The following CDKAL1 variants were observed in gnomAD, a reference collection of about 807,000 sequenced individuals.
The protein encoded by CDKAL1 is threonylcarbamoyladenosine tRNA methylthiotransferase.
In CDKAL1, 32 loss-of-function variants were observed where a neutral mutation model predicts 68.2. The observed-to-expected ratio is 0.47, with a 90% CI of 0.35 to 0.63. The LOEUF (loss-of-function observed/expected upper bound fraction) is 0.63, where lower values mean the gene tolerates loss of function less well. Among genes scored for constraint, CDKAL1 ranks in the 30% least tolerant of loss-of-function variants. The pLI is 0.00. For missense variants in CDKAL1, 606 were observed against 696.7 expected (o/e 0.87, Z 1.47); for synonymous variants, 234 against 244.3 (o/e 0.96, Z 0.39).
At chr6:21,143,635 A>G (rs998330992) in intron 13 of CDKAL1, among the ~76,000 whole-genome samples, 4 of 152,136 alleles carry the variant, frequency 2.6e-5, no homozygotes, top group Admixed American at 2.6e-4. Flanking sequence ...TGTTTGTAAC[A>G]CCCAAAAGCA....
At chr6:20,541,364 G>T (rs1763380683) in intron 2 of CDKAL1, among the ~76,000 whole-genome samples, 1 of 152,104 alleles carries the variant, frequency 6.6e-6, no homozygotes, top group African/African-American at 2.4e-5. Context: ...ATGTCAGTAT[G>T]GTTCTTTATC....
At chr6:20,578,129 C>G (rs1403540679) in intron 4 of CDKAL1, among the ~76,000 whole-genome samples, 1 of 152,164 alleles carries the variant, frequency 6.6e-6, no homozygotes, top group African/African-American at 2.4e-5. Flanking sequence ...CATTCCTACT[C>G]TAAATTACAA....
chr6:20,600,489 T>G (rs1345978006), intron 4 of CDKAL1, among the ~76,000 whole-genome samples: 1 of 152,096 alleles, frequency 6.6e-6, no homozygotes, highest in African/African-American at 2.4e-5. Context: ...TTTGAACAGT[T>G]TGATTCTGTC....
At chr6:21,109,553 G>A (rs914518339) in intron 13 of CDKAL1, among the ~76,000 whole-genome samples, 3 of 152,170 alleles carry the variant, frequency 2.0e-5, no homozygotes, top group Non-Finnish European at 4.4e-5. Flanking sequence ...ATGTGACCAT[G>A]GTGATATGTA....
chr6:20,698,527 A>T lies in CDKAL1; in HGVS notation c.372-40992A>T, dbSNP rs377588707. Among the ~76,000 whole-genome samples, 4 of 152,094 alleles carry T rather than the reference A, an allele frequency of 2.6e-5. No individual in the cohort carries two copies. In the East Asian group the frequency reaches 7.7e-4, roughly 29 times the overall value. Reference sequence around the variant, plus strand: ...CTAGTCTGTGACAGTTTCTCAGATTATCTTTGTTTTTGATCCTTGGCAGTT... The same window carrying T: ...CTAGTCTGTGACAGTTTCTCAGATTTTCTTTGTTTTTGATCCTTGGCAGTT... On this transcript the variant is annotated intron_variant, in intron 5 of 15. Transcript: ENST00000274695.
At chr6:21,217,926 A>G (rs1381383349) in intron 15 of CDKAL1, among the ~76,000 whole-genome samples, 2 of 152,152 alleles carry the variant, frequency 1.3e-5, no homozygotes, top group Admixed American at 1.3e-4. Flanking sequence ...CCCAGCTGGG[A>G]TTTCTTTATG....
chr6:21,063,813 A>G (rs533744182), intron 11 of CDKAL1, among the ~76,000 whole-genome samples: 1 of 152,274 alleles, frequency 6.6e-6, no homozygotes, highest in Non-Finnish European at 1.5e-5. Flanking sequence ...AAGCTAAGAG[A>G]TCAACCCAGT....
intron 4 of CDKAL1, among the ~76,000 whole-genome samples, chr6:20,586,595 G>A (rs1297083498): frequency 3.3e-5 from 5 of 152,198 alleles, no homozygotes; most frequent in Non-Finnish European, 5.9e-5. Flanking sequence ...CCGAGATCAC[G>A]CCACTGCACT....
chr6:20,807,348 C>T (rs1050292894), intron 8 of CDKAL1, among the ~76,000 whole-genome samples: 2 of 152,134 alleles, frequency 1.3e-5, no homozygotes, highest in Non-Finnish European at 2.9e-5. Flanking sequence ...CTCAGCCTCC[C>T]GAGTAGCTGG....
Position 20,969,523 on chromosome 6 carries a change from C to T in CDKAL1, c.909+13938C>T, listed in dbSNP as rs138440287. 4.1e-3 allele frequency among the ~76,000 whole-genome samples: 622 copies of T among 152,192 alleles called. 15 individuals are homozygous for T. The highest frequency in any genetic ancestry group is 6.6e-4 in the Non-Finnish European group (45 of 68,004). ...TAAGTGAATGCACACAGTACAAACC[C>T]GTGTTTTTAAGGGTCCACTGTAATT... On this transcript the variant is annotated intron_variant, in intron 10 of 15. Transcript: ENST00000274695.
chr6:21,054,856 G>T (rs6456393), intron 11 of CDKAL1, among the ~76,000 whole-genome samples: 31,049 of 151,286 alleles, frequency 0.21, 3,354 homozygotes, highest in African/African-American at 0.25. Flanking sequence ...AGTAGGCTCA[G>T]TAGATTCTTT....
chr6:20,559,899 T>G (rs1390172110), intron 4 of CDKAL1, among the ~76,000 whole-genome samples: 1 of 152,190 alleles, frequency 6.6e-6, no homozygotes, highest in Admixed American at 6.5e-5. Flanking sequence ...TGTTTAAATA[T>G]TAATTTTCTT....
chr6:21,156,719 C>T (rs1776665924), intron 13 of CDKAL1, among the ~76,000 whole-genome samples: 1 of 152,076 alleles, frequency 6.6e-6, no homozygotes, highest in African/African-American at 2.4e-5. Flanking sequence ...TGGATCAACT[C>T]TGAGCTGCAG....
intron 13 of CDKAL1, among the ~76,000 whole-genome samples, chr6:21,171,737 G>C (rs891933073): frequency 2.0e-5 from 3 of 152,032 alleles, no homozygotes; most frequent in Admixed American, 2.0e-4. Flanking sequence ...ACAATTAATA[G>C]GTTAAAGGAT....
At chr6:20,907,979 C>T (rs1762306236) in intron 9 of CDKAL1, among the ~76,000 whole-genome samples, 1 of 152,160 alleles carries the variant, frequency 6.6e-6, no homozygotes, top group Non-Finnish European at 1.5e-5. Context: ...GCTCTGTCAC[C>T]ACTTCTCCCC....
At position 20,750,982 on chromosome 6, in the gene CDKAL1, A is replaced by AAAAG. The variant is rs1191158077; in HGVS notation, c.469-7610_469-7607dup. Among the ~76,000 whole-genome samples, 64 of 110,178 alleles carry AAAAG rather than the reference A, an allele frequency of 5.8e-4. 1 individual carries two copies. The highest frequency in any genetic ancestry group is 9.1e-4 in the Non-Finnish European group (46 of 50,518). 72.3% of individuals were successfully genotyped at this position (110,178 alleles called of 152,430 possible). A position where few individuals can be genotyped will look rare whatever the true frequency, so the allele number is the denominator to read the frequency against. On this transcript the variant is annotated intron_variant, in intron 6 of 15. Transcript: ENST00000274695. ...AAAAAAAAAAAAAAAAAAAAAAAAA[A>AAAAG]AAAGAAGTAACAGTACTGTCTCCTC...
intron 13 of CDKAL1, among the ~76,000 whole-genome samples, chr6:21,154,923 G>T (rs1776575410): frequency 6.6e-6 from 1 of 151,992 alleles, no homozygotes. Flanking sequence ...AACCCAGGAG[G>T]CGGAGGTTTC....
At chr6:20,841,330 C>T (rs190772831) in intron 8 of CDKAL1, among the ~76,000 whole-genome samples, 1 of 151,986 alleles carries the variant, frequency 6.6e-6, no homozygotes, top group South Asian at 2.1e-4. Context: ...CATTAGTCAC[C>T]TTTTTTCCCC....
intron 10 of CDKAL1, among the ~76,000 whole-genome samples, chr6:20,999,611 C>T (rs546696561): frequency 7.3e-6 from 1 of 137,930 alleles, no homozygotes; most frequent in Non-Finnish European, 1.5e-5. Flanking sequence ...GCCTCACTGT[C>T]GGGTCATGTG....
Sources: gnomAD v4.1 joint callset for allele counts (sites outside exome capture counted in the v4.1 genomes callset) on GRCh38, gnomAD v4.1.1 for gene constraint, MANE v1.5 for transcripts, NCBI Gene and HGNC (gene_info 2026-07-23, HGNC 2026-07-21) for gene names.